The following CCBE1 variants were observed in gnomAD, a reference collection of about 807,000 sequenced individuals.
CCBE1 encodes collagen and calcium-binding EGF domain-containing protein 1.
Under a neutral mutation model 50.0 loss-of-function variants are expected in CCBE1, and 37 were observed. The ratio of observed to expected loss-of-function variants is 0.74; its 90% CI spans 0.57 to 0.97. CCBE1 has a LOEUF of 0.97. Ranked by LOEUF, CCBE1 falls within the 50% of genes least tolerant of loss-of-function variation. CCBE1 has a pLI of 0.00. For missense variants in CCBE1, 538 were observed against 523.8 expected (o/e 1.03, Z -0.26); for synonymous variants, 234 against 203.7 (o/e 1.15, Z -1.27).
chr18:59,488,619 C>G (rs1912939046), intron 2 of CCBE1, among the ~76,000 whole-genome samples: 1 of 152,158 alleles, frequency 6.6e-6, no homozygotes, highest in African/African-American at 2.4e-5. Context: ...GAAGTCTGGG[C>G]ACTGGGCCTT....
chr18:59,570,648 G>C (rs1321571439), intron 2 of CCBE1, among the ~76,000 whole-genome samples: 2 of 152,090 alleles, frequency 1.3e-5, no homozygotes, highest in Non-Finnish European at 2.9e-5. Flanking sequence ...TCAAGAAAAT[G>C]AAAGGGAAGT....
At chr18:59,556,607 G>A (rs1187416207) in intron 2 of CCBE1, among the ~76,000 whole-genome samples, 1 of 152,092 alleles carries the variant, frequency 6.6e-6, no homozygotes, top group Non-Finnish European at 1.5e-5. Flanking sequence ...CTGTGTGACC[G>A]AATTTAATTA....
intron 3 of CCBE1, among the ~76,000 whole-genome samples, chr18:59,478,380 T>C (rs968868462): frequency 5.3e-5 from 8 of 152,212 alleles, no homozygotes; most frequent in African/African-American, 1.9e-4. Context: ...TCTTTGATGA[T>C]AGAAACAATT....
intron 2 of CCBE1, among the ~76,000 whole-genome samples, chr18:59,689,829 A>G (rs933512290): frequency 6.6e-6 from 1 of 152,216 alleles, no homozygotes; most frequent in African/African-American, 2.4e-5. Flanking sequence ...TTCTTGGAAG[A>G]AACTTGCGGT....
intron 6 of CCBE1, among the ~76,000 whole-genome samples, chr18:59,450,698 C>A (rs1910890845): frequency 6.6e-6 from 1 of 152,204 alleles, no homozygotes; most frequent in Non-Finnish European, 1.5e-5. Context: ...CCACACCCAA[C>A]TAATTTTTCT....
intron 2 of CCBE1, among the ~76,000 whole-genome samples, chr18:59,604,501 T>A (rs1348437465): frequency 4.6e-5 from 7 of 152,160 alleles, no homozygotes; most frequent in African/African-American, 1.7e-4. Flanking sequence ...TGATCAGATA[T>A]AATAAAGTCA....
intron 2 of CCBE1, among the ~76,000 whole-genome samples, chr18:59,673,144 A>G (rs945676891): frequency 2.6e-5 from 4 of 152,198 alleles, no homozygotes; most frequent in African/African-American, 9.6e-5. Flanking sequence ...CTTCTGGAAC[A>G]TGAGGATTAA....
intron 2 of CCBE1, among the ~76,000 whole-genome samples, chr18:59,601,010 G>GTTTTTTTTTTTTTTTTTTTTTTT (rs71177045): frequency 1.7e-5 from 1 of 58,004 alleles, no homozygotes; most frequent in African/African-American, 5.4e-5. Flanking sequence ...CTATGTGTCA[G>GTTTTTTTTTTTTTTTTTTTTTTT]TTTTTTTTTT....
At chr18:59,458,495 T>A (rs1340074385) in intron 5 of CCBE1, among the ~76,000 whole-genome samples, 1 of 152,276 alleles carries the variant, frequency 6.6e-6, no homozygotes, top group Admixed American at 6.5e-5. Context: ...AACAGCTTCA[T>A]GATAAGATAA....
chr18:59,630,849 C>A (rs567330017), intron 2 of CCBE1, among the ~76,000 whole-genome samples: 13 of 152,304 alleles, frequency 8.5e-5, no homozygotes, highest in African/African-American at 3.1e-4. Context: ...GCCTCCCTAC[C>A]TAACAACTCA....
chr18:59,687,623 G>A lies in CCBE1; in HGVS notation c.212+9006C>T, dbSNP rs74389871. 6.3e-3 allele frequency among the ~76,000 whole-genome samples: 966 copies of A among 152,286 alleles called. 12 individuals carry two copies. Among genetic ancestry groups the A allele is most frequent in the African/African-American group, 0.022 (924 of 41,554 alleles). The stretch of plus-strand genomic sequence containing the variant: ...GCCATCACTATTTAGGAGTCTCCAT[G>A]AGCTTTGTGGAACAAAACAGCTGGT... On this transcript the variant is annotated intron_variant, in intron 2 of 10. Coordinates refer to ENST00000439986, the MANE Select transcript of CCBE1 (RefSeq NM_133459.4).
intron 2 of CCBE1, among the ~76,000 whole-genome samples, chr18:59,683,703 A>AG (rs1568272101): frequency 6.7e-6 from 1 of 148,760 alleles, no homozygotes; most frequent in Non-Finnish European, 1.5e-5. Context: ...ATCTCAAAAA[A>AG]AGAGAGGAAA....
chr18:59,514,562 G>T (rs1914280668), intron 2 of CCBE1, among the ~76,000 whole-genome samples: 1 of 150,252 alleles, frequency 6.7e-6, no homozygotes, highest in African/African-American at 2.5e-5. Context: ...TGCTGGCGGG[G>T]TGTTTGTTTT....
At chr18:59,588,922 A>T (rs1011842058) in intron 2 of CCBE1, among the ~76,000 whole-genome samples, 6 of 152,160 alleles carry the variant, frequency 3.9e-5, no homozygotes, top group Admixed American at 3.3e-4. Flanking sequence ...GAACCATCCC[A>T]TGCACAACTT....
At chr18:59,482,858 A>G (rs1027391191) in intron 2 of CCBE1, among the ~76,000 whole-genome samples, 3 of 115,928 alleles carry the variant, frequency 2.6e-5, no homozygotes, top group African/African-American at 8.2e-5. Context: ...ACCCCAAGAT[A>G]TTTTGACTAT....
chr18:59,473,754 TC>T (rs1912161695), intron 3 of CCBE1, among the ~76,000 whole-genome samples: 1 of 5,270 alleles, frequency 1.9e-4, no homozygotes. Flanking sequence ...CCCCCACTAC[TC>T]ACCTTCCAAC....
At chr18:59,523,716 T>C (rs1156897764) in intron 2 of CCBE1, among the ~76,000 whole-genome samples, 1 of 152,168 alleles carries the variant, frequency 6.6e-6, no homozygotes, top group Non-Finnish European at 1.5e-5. Flanking sequence ...GTTAAACGCT[T>C]GGAGATTGAG....
Position 59,611,480 on chromosome 18 carries a change from C to T in CCBE1, c.212+85149G>A, listed in dbSNP as rs1454386375. Among the ~76,000 whole-genome samples, 4 of 152,342 alleles carry T rather than the reference C, an allele frequency of 2.6e-5. No individual in the cohort carries two copies. The East Asian group carries it at 5.8e-4, about 22-fold the overall frequency. ...ATTTTTCGGGCCAGGCACAGTGGCT[C>T]ATGCCTGTAACCATAGCACTTTGGG... is the stretch of plus-strand genomic sequence containing the variant. On this transcript the variant is annotated intron_variant, in intron 2 of 10. Transcript: ENST00000439986.
At chr18:59,525,417 G>T (rs1914777800) in intron 2 of CCBE1, among the ~76,000 whole-genome samples, 1 of 152,108 alleles carries the variant, frequency 6.6e-6, no homozygotes. Context: ...TTTTTAATTA[G>T]ATTTTTTTTC....
Sources: gnomAD v4.1 joint callset for allele counts (sites outside exome capture counted in the v4.1 genomes callset) on GRCh38, gnomAD v4.1.1 for gene constraint, MANE v1.5 for transcripts, NCBI Gene and HGNC (gene_info 2026-07-23, HGNC 2026-07-21) for gene names.